The following SLITRK5 variants were observed in gnomAD, a reference collection of about 807,000 sequenced individuals.
SLITRK5 encodes the protein SLIT and NTRK-like protein 5.
A neutral mutation model predicts 56.2 loss-of-function variants in SLITRK5; 23 were observed. That is an observed-to-expected ratio of 0.41 (90% CI 0.29 to 0.58). The LOEUF (loss-of-function observed/expected upper bound fraction) is 0.58, where lower values mean the gene tolerates loss of function less well. SLITRK5 is among the 20% of genes least tolerant of loss of function. The pLI is 0.30. For synonymous variants in SLITRK5, 637 were observed against 531.8 expected (o/e 1.20, Z -2.72); for missense variants, 1,289 against 1,226.6 (o/e 1.05, Z -0.76).
chr13:87,673,928 A>G (rs932519778), intron 1 of SLITRK5, among the ~76,000 whole-genome samples: 1 of 152,210 alleles, frequency 6.6e-6, no homozygotes, highest in East Asian at 1.9e-4. Flanking sequence ...GAAAAGGCAT[A>G]GGTTCCTAGA....
chr13:87,676,791 G>A lies in SLITRK5; in HGVS notation c.1403G>A (p.Arg468Lys). 6.2e-7 allele frequency: 1 copy of A among 1,614,132 alleles called. No individual in the cohort carries two copies. Residue 468 changes from arginine (R) to lysine (K), a missense_variant, in exon 2 of 2, where the codon AGG becomes AAG. Arg to Lys is a conservative substitution (Grantham distance 26). Transcript: ENST00000683689. ...NLRRLYLNGN[R>K]IERLSPELFY... Reference sequence around the variant, plus strand: ...AGGCGCCTCTACCTGAATGGCAACAGGATCGAGAGGCTGAGCCCGGAGTTA... The same window carrying A: ...AGGCGCCTCTACCTGAATGGCAACAAGATCGAGAGGCTGAGCCCGGAGTTA...
In SLITRK5 at chr13:87,671,624, C is replaced by T. The variant is rs1033859199; in HGVS notation, c.-594C>T. On this transcript the variant is annotated 5_prime_UTR_variant, in exon 1 of 2. Coordinates refer to ENST00000683689, the MANE Select transcript of SLITRK5 (RefSeq NM_001384609.1). ...GGCATAGAACGACGCGGTTGCTGCC[C>T]GCCCCCCCCTTCCCCCAGAAACCCC... Among the ~76,000 whole-genome samples, 1 of 151,978 alleles carries T rather than the reference C, an allele frequency of 6.6e-6. No homozygotes were observed. Among genetic ancestry groups the T allele is most frequent in the Non-Finnish European group, 1.5e-5 (1 of 67,994 alleles).
rs1877339429 is a variant in SLITRK5 at position 87,677,541 on chromosome 13, G to C, written c.2153G>C (p.Gly718Ala). The C allele has an allele frequency of 3.1e-6, 5 of 1,597,036 alleles. No individual in the cohort carries two copies. The highest frequency in any genetic ancestry group is 4.3e-6 in the Non-Finnish European group (5 of 1,170,420). The change falls in exon 2 of 2, where the codon GGC (glycine) becomes GCC (alanine). Residue 718 changes from glycine to alanine, a missense_variant. By Grantham distance (60) the Gly-to-Ala change is moderately conservative. Coordinates refer to ENST00000683689, the MANE Select transcript of SLITRK5 (RefSeq NM_001384609.1). This position sits in a 1 kb window ranked among gnomAD's most constrained non-coding sequence, Gnocchi z 4.7. ...TTTAACATGCAGTACAGCGTGTACG[G>C]CGGCGGCGGCGGCACGGGCGGCCAC... ...SSFNMQYSVY[G>A]GGGGTGGHPH... is the part of the protein sequence containing the mutation.
Position 87,676,959 on chromosome 13 carries a change from T to C in SLITRK5, c.1571T>C (p.Val524Ala). 3 of 1,614,132 alleles carry C rather than the reference T, an allele frequency of 1.9e-6. No individual in the cohort carries two copies. Among genetic ancestry groups the C allele is most frequent in the Non-Finnish European group, 2.5e-6 (3 of 1,180,020 alleles). The stretch of plus-strand genomic sequence containing the variant: ...CTCCTGCAGGCCATGCCCTCAGGCG[T>C]CTTCTCTGGCTTGACCCTCCTCAGG... ...NNLLQAMPSG[V>A]FSGLTLLRLN... Residue 524 changes from valine to alanine, a missense_variant, in exon 2 of 2, where the codon GTC becomes GCC. By Grantham distance (64) the Val-to-Ala change is moderately conservative. Coordinates refer to ENST00000683689, the MANE Select transcript of SLITRK5 (RefSeq NM_001384609.1).
rs1192571640 is a variant in SLITRK5, at chr13:87,677,250, C to G, written c.1862C>G (p.Ser621Cys). The change falls in exon 2 of 2, where the codon TCC becomes TGC. Residue 621 changes from serine to cysteine, a missense_variant. By Grantham distance (112) the Ser-to-Cys change is moderately radical. Transcript: ENST00000683689. The surrounding 1 kb of genome is among the most constrained non-coding windows in gnomAD (Gnocchi z 4.7). ...CCTGACTATTCAGATGTAGTAGTTT[C>G]CACGCCCACACCCTCCTCTATCCAG... is the stretch of plus-strand genomic sequence containing the variant. The part of the protein sequence containing the change: ...LCPDYSDVVV[S>C]TPTPSSIQVP... 1.2e-6 allele frequency: 2 copies of G among 1,614,174 alleles called. No homozygotes were observed. Among genetic ancestry groups the G allele is most frequent in the Non-Finnish European group, 8.5e-7 (1 of 1,180,038 alleles).
In SLITRK5 at chr13:87,676,062, A is replaced by T. The variant is rs1377262632; in HGVS notation, c.674A>T (p.Asp225Val). 6.2e-7 allele frequency: 1 copy of T among 1,614,048 alleles called. No individual in the cohort carries two copies. Among genetic ancestry groups the T allele is most frequent in the South Asian group, 1.1e-5 (1 of 91,080 alleles). ...TACGTGGGGCTCTTGCAGCACATGG[A>T]TAAAGTTGTGGAGCTACAGCTGGAG... ...LPYVGLLQHM[D>V]KVVELQLEEN... Residue 225 changes from aspartate (D) to valine (V), a missense_variant, in exon 2 of 2, where the codon GAT becomes GTT. Coordinates refer to ENST00000683689, the MANE Select transcript of SLITRK5 (RefSeq NM_001384609.1).
rs762111160 is a variant in SLITRK5, at chr13:87,678,290, T to C, written c.*25T>C. 3.8e-6 allele frequency: 6 copies of C among 1,563,016 alleles called. No individual in the cohort carries two copies. In the East Asian group the frequency reaches 1.4e-4, roughly 35 times the overall value. On this transcript the variant is annotated 3_prime_UTR_variant, in exon 2 of 2. Coordinates refer to ENST00000683689, the MANE Select transcript of SLITRK5 (RefSeq NM_001384609.1). ...AAAGCAAAGAAACTCTCTTGGAGCT[T>C]TTGCATTTAAAACAAACAAGCAAGC...
At position 87,671,878 on chromosome 13, in the gene SLITRK5, C is replaced by A. The variant is rs891551538; in HGVS notation, c.-340C>A. 6.6e-6 allele frequency among the ~76,000 whole-genome samples: 1 copy of A among 152,014 alleles called. No homozygotes were observed. Among genetic ancestry groups the A allele is most frequent in the Admixed American group, 6.5e-5 (1 of 15,278 alleles). The stretch of plus-strand genomic sequence containing the variant: ...CGCTGCGCTGGGGGGCGGAGGACAG[C>A]GCAGGAGCTGCAGCCGCCGCCTTCG... On this transcript the variant is annotated 5_prime_UTR_variant, in exon 1 of 2. Transcript: ENST00000683689.
intron 1 of SLITRK5, among the ~76,000 whole-genome samples, chr13:87,674,980 G>C (rs1877206688): frequency 6.6e-6 from 1 of 151,528 alleles, no homozygotes; most frequent in Non-Finnish European, 1.5e-5. Flanking sequence ...CTGGGTATAG[G>C]TGAGGTGGGG....
rs375616603 is a variant in SLITRK5 at position 87,677,435 on chromosome 13, G to C, written c.2047G>C (p.Gly683Arg). ...CATCATGTCCGTCTTCGTGGCCGCC[G>C]GGCTCTTCGTGCTGGTCATGAAGCG... The part of the protein sequence containing the change: ...VFIMSVFVAA[G>R]LFVLVMKRRK... Residue 683 changes from glycine to arginine, a missense_variant, in exon 2 of 2, where the codon GGG becomes CGG. Gly to Arg is a moderately radical substitution (Grantham distance 125). Transcript: ENST00000683689. This position sits in a 1 kb window ranked among gnomAD's most constrained non-coding sequence, Gnocchi z 4.7. 6.2e-7 allele frequency: 1 copy of C among 1,613,170 alleles called. No homozygotes were observed. Among genetic ancestry groups the C allele is most frequent in the South Asian group, 1.1e-5 (1 of 91,080 alleles).
chr13:87,672,420 C>A (rs1448082054), intron 1 of SLITRK5, among the ~76,000 whole-genome samples: 1 of 150,520 alleles, frequency 6.6e-6, no homozygotes, highest in Non-Finnish European at 1.5e-5. Context: ...CCCCTCCCAG[C>A]AGCTCCCCCT....
Position 87,675,814 on chromosome 13 carries a change from A to G in SLITRK5, c.426A>G (p.Glu142=). The change falls in exon 2 of 2, where the codon GAA becomes GAG. Residue 142 remains glutamate (E), a synonymous_variant. Coordinates refer to ENST00000683689, the MANE Select transcript of SLITRK5 (RefSeq NM_001384609.1). The stretch of plus-strand genomic sequence containing the variant: ...TGCATCTAAACAATAATAAACTGGA[A>G]CTTCTGCGAGATGATACCTTCCTTG... ...RRLHLNNNKL[E]LLRDDTFLGL... 1 of 1,614,088 alleles carries G rather than the reference A, an allele frequency of 6.2e-7. No homozygotes were observed. The highest frequency in any genetic ancestry group is 8.5e-7 in the Non-Finnish European group (1 of 1,180,026).
Position 87,676,685 on chromosome 13 carries a change from A to C in SLITRK5, c.1297A>C (p.Thr433Pro). 6.2e-7 allele frequency: 1 copy of C among 1,614,028 alleles called. No homozygotes were observed. Among genetic ancestry groups the C allele is most frequent in the Non-Finnish European group, 8.5e-7 (1 of 1,180,026 alleles). Reference protein sequence around the residue: ...VVRRTDFLEATGLDLLHLGNN... With the variant: ...VVRRTDFLEAPGLDLLHLGNN... ...GCGCAGGACAGACTTCCTGGAGGCC[A>C]CGGGGCTGGACCTCCTGCACCTGGG... The change falls in exon 2 of 2, where the codon ACG becomes CCG. Residue 433 changes from threonine to proline, a missense_variant. Thr to Pro is a conservative substitution (Grantham distance 38, BLOSUM62 -1). Coordinates refer to ENST00000683689, the MANE Select transcript of SLITRK5 (RefSeq NM_001384609.1).
Position 87,676,680 on chromosome 13 carries a change from A to G in SLITRK5, c.1292A>G (p.Glu431Gly), listed in dbSNP as rs765443176. The change falls in exon 2 of 2, where the codon GAG becomes GGG. Residue 431 changes from glutamate (E) to glycine (G), a missense_variant. Glu to Gly is a moderately conservative substitution (Grantham distance 98, BLOSUM62 -2). Transcript: ENST00000683689. ...IAVVRRTDFL[E>G]ATGLDLLHLG... ...GTCGTGCGCAGGACAGACTTCCTGG[A>G]GGCCACGGGGCTGGACCTCCTGCAC... 6.2e-7 allele frequency: 1 copy of G among 1,614,032 alleles called. No homozygotes were observed. Among genetic ancestry groups the G allele is most frequent in the Admixed American group, 1.7e-5 (1 of 60,018 alleles).
chr13:87,676,945 C>G lies in SLITRK5; in HGVS notation c.1557C>G (p.Ala519=), dbSNP rs1877304112. 2 of 1,614,002 alleles carry G rather than the reference C, an allele frequency of 1.2e-6. No homozygotes were observed. Among genetic ancestry groups the G allele is most frequent in the Non-Finnish European group, 1.7e-6 (2 of 1,179,968 alleles). Residue 519 remains alanine, a synonymous_variant, in exon 2 of 2, where the codon GCC becomes GCG. Coordinates refer to ENST00000683689, the MANE Select transcript of SLITRK5 (RefSeq NM_001384609.1). ...TCTTGAATAACAACCTCCTGCAGGC[C>G]ATGCCCTCAGGCGTCTTCTCTGGCT... is the stretch of plus-strand genomic sequence containing the variant. ...LLFLNNNLLQ[A]MPSGVFSGLT... is the part of the protein sequence containing the mutation.
chr13:87,677,467 G>C lies in SLITRK5; in HGVS notation c.2079G>C (p.Lys693Asn). 1 of 1,612,274 alleles carries C rather than the reference G, an allele frequency of 6.2e-7. No individual in the cohort carries two copies. The highest frequency in any genetic ancestry group is 8.5e-7 in the Non-Finnish European group (1 of 1,179,980). ...GLFVLVMKRR[K>N]KNQSDHTSTN... ...TCGTGCTGGTCATGAAGCGCAGGAA[G>C]AAGAACCAGAGCGACCACACCAGCA... Residue 693 changes from lysine (K) to asparagine (N), a missense_variant, in exon 2 of 2, where the codon AAG becomes AAC. Lys to Asn is a moderately conservative substitution (Grantham distance 94, BLOSUM62 0). Around this residue, in one of 3 missense-constraint regions of SLITRK5, gnomAD observed 985 missense variants for 906.0 expected, o/e 1.09. Coordinates refer to ENST00000683689, the MANE Select transcript of SLITRK5 (RefSeq NM_001384609.1). The surrounding 1 kb of genome is among the most constrained non-coding windows in gnomAD (Gnocchi z 4.7).
chr13:87,675,542 T>C lies in SLITRK5; in HGVS notation c.154T>C (p.Cys52Arg). 6.2e-7 allele frequency: 1 copy of C among 1,614,196 alleles called. No homozygotes were observed. Among genetic ancestry groups the C allele is most frequent in the Non-Finnish European group, 8.5e-7 (1 of 1,180,032 alleles). Residue 52 changes from cysteine (C) to arginine (R), a missense_variant, in exon 2 of 2, where the codon TGT becomes CGT. Physicochemically the swap from Cys to Arg is radical, Grantham distance 180. This residue lies in a region of SLITRK5 where 291 missense variants were observed against 286.7 expected (regional missense o/e 1.02). Coordinates refer to ENST00000683689, the MANE Select transcript of SLITRK5 (RefSeq NM_001384609.1). ...TTATGGGGAAATCTGTGACAATGCA[T>C]GTCCTTGTGAGGAAAAGGACGGCAT... Reference protein sequence around the residue: ...DYYGEICDNACPCEEKDGILT... With the variant: ...DYYGEICDNARPCEEKDGILT...
At position 87,677,800 on chromosome 13, in the gene SLITRK5, G is replaced by C; in HGVS notation, c.2412G>C (p.Gln804His). 1 of 1,609,630 alleles carries C rather than the reference G, an allele frequency of 6.2e-7. No individual in the cohort carries two copies. The highest frequency in any genetic ancestry group is 8.5e-7 in the Non-Finnish European group (1 of 1,178,366). Reference protein sequence around the residue: ...QQQQPPPPPQQPQQQPPPQLQ... With the variant: ...QQQQPPPPPQHPQQQPPPQLQ... ...AGCAGCCGCCGCCGCCACCGCAGCAGCCACAGCAGCAGCCCCCGCCGCAGC... is the reference window on the plus strand; with the variant it reads ...AGCAGCCGCCGCCGCCACCGCAGCACCCACAGCAGCAGCCCCCGCCGCAGC... The change falls in exon 2 of 2, where the codon CAG (glutamine) becomes CAC (histidine). Residue 804 changes from glutamine (Q) to histidine (H), a missense_variant. Physicochemically the swap from Gln to His is conservative, Grantham distance 24 (BLOSUM62 0). This residue lies in a region of SLITRK5 where 985 missense variants were observed against 906.0 expected (regional missense o/e 1.09). Transcript: ENST00000683689. The surrounding 1 kb of genome is among the most constrained non-coding windows in gnomAD (Gnocchi z 4.7).
intron 1 of SLITRK5, chr13:87,673,515 G>T (rs1223582166): frequency 1.6e-6 from 2 of 1,256,602 alleles, no homozygotes; most frequent in Non-Finnish European, 2.1e-6. Flanking sequence ...GAGGGGGAGG[G>T]GACCCAACCT....
Sources: allele counts gnomAD v4.1 joint callset (sites outside exome capture counted in the v4.1 genomes callset), GRCh38; gene constraint gnomAD v4.1.1; regional missense constraint gnomAD v4.1.1; non-coding constraint Gnocchi (gnomAD v3.1); transcripts MANE v1.5; gene names NCBI Gene and HGNC (gene_info 2026-07-23, HGNC 2026-07-21).